The following UBR3 variants were observed in gnomAD, a reference collection of about 807,000 sequenced individuals.
The protein encoded by UBR3 is E3 ubiquitin-protein ligase UBR3.
UBR3 carries 85 observed loss-of-function variants against 243.2 expected under a neutral mutation model. The observed-to-expected ratio is 0.35, with a 90% CI of 0.29 to 0.42. The LOEUF is 0.42. UBR3 is among the 10% of genes least tolerant of loss of function. The probability of loss-of-function intolerance (pLI) is 1.00; values close to 1 mark genes in which losing one functional copy is unlikely to be tolerated. For synonymous variants in UBR3, 748 were observed against 799.8 expected (o/e 0.94, Z 1.09); for missense variants, 1,686 against 2,300.8 (o/e 0.73, Z 5.47).
At position 169,872,362 on chromosome 2, in the gene UBR3, C is replaced by T. The variant is rs56240917; in HGVS notation, c.672C>T (p.Gly224=). The T allele has an allele frequency of 0.021, 31,047 of 1,468,430 alleles. 377 individuals are homozygous for T. The highest frequency in any genetic ancestry group is 0.03 in the Middle Eastern group (175 of 5,852). The allele number at this position is 1,468,430 out of a possible 1,614,324, so 91.0% of individuals were successfully genotyped here. The change falls in exon 2 of 39, where the codon GGC becomes GGT. Residue 224 remains glycine (G), a synonymous_variant. Transcript: ENST00000272793. ...IFCLIQYLRE[G]YNEPAADGPS... is the part of the protein sequence containing the mutation. ...GTCTTATTCAGTACTTAAGAGAAGG[C>T]TATAATGAACCAGGTATGTTTTAAT...
At chr2:170,027,430 A>G (rs969239166) in intron 30 of UBR3, among the ~76,000 whole-genome samples, 4 of 151,706 alleles carry the variant, frequency 2.6e-5, no homozygotes, top group Admixed American at 1.3e-4. Flanking sequence ...CTTTTCTACT[A>G]ACATTTTGAA....
intron 1 of UBR3, among the ~76,000 whole-genome samples, chr2:169,864,631 C>T (rs933868721): frequency 5.9e-5 from 9 of 151,878 alleles, no homozygotes; most frequent in Non-Finnish European, 1.0e-4. Flanking sequence ...AGGCCGGGCG[C>T]GGTGGCTCAC....
intron 32 of UBR3, among the ~76,000 whole-genome samples, chr2:170,041,593 G>T (rs2090969929): frequency 6.6e-6 from 1 of 152,060 alleles, no homozygotes; most frequent in Admixed American, 6.5e-5. Context: ...TTTAATTATT[G>T]CTCCTTGGTC....
intron 1 of UBR3, among the ~76,000 whole-genome samples, chr2:169,845,664 C>T (rs1445383659): frequency 6.6e-6 from 1 of 151,472 alleles, no homozygotes; most frequent in African/African-American, 2.4e-5. Flanking sequence ...CAGCTCACTG[C>T]AGCCTCCATC....
intron 10 of UBR3, among the ~76,000 whole-genome samples, chr2:169,909,352 G>C (rs1473641592): frequency 1.3e-5 from 2 of 152,190 alleles, no homozygotes; most frequent in East Asian, 3.8e-4. Context: ...GATTTGAGCA[G>C]GAGTAGCGTG....
intron 3 of UBR3, 46 bp downstream of exon 3, chr2:169,875,995 T>C: frequency 7.3e-7 from 1 of 1,367,504 alleles, no homozygotes; most frequent in Non-Finnish European, 9.6e-7. Context: ...TATCTTACTA[T>C]AATGATAAGA....
At chr2:170,015,042 T>A in intron 29 of UBR3, 1 of 338,700 alleles carries the variant, frequency 3.0e-6, no homozygotes. Flanking sequence ...AATTACACCA[T>A]GATGTGTGCA....
chr2:169,953,097 G>A (rs2105363791), intron 23 of UBR3, among the ~76,000 whole-genome samples: 1 of 152,256 alleles, frequency 6.6e-6, no homozygotes, highest in Non-Finnish European at 1.5e-5. Context: ...GATACTGGAG[G>A]ACATAGTTTA....
intron 35 of UBR3, among the ~76,000 whole-genome samples, chr2:170,070,849 A>C (rs1443060772): frequency 6.6e-6 from 1 of 152,174 alleles, no homozygotes; most frequent in Non-Finnish European, 1.5e-5. Context: ...TGTGGCTTAT[A>C]CCTAAAATTT....
chr2:170,082,298 A>G lies in UBR3; in HGVS notation c.*455A>G, dbSNP rs1215595180. ...TGTGTTGATTGGAGAATTTTTCTGT[A>G]TGTAATTAGAAAAAAATGTAAAACA... On this transcript the variant is annotated 3_prime_UTR_variant, in exon 39 of 39. Transcript: ENST00000272793. 1 of 152,962 alleles carries G rather than the reference A, an allele frequency of 6.5e-6. No homozygotes were observed. Among genetic ancestry groups the G allele is most frequent in the Non-Finnish European group, 1.5e-5 (1 of 68,330 alleles). The allele number at this position is 152,962 out of a possible 1,614,324, so 9.5% of individuals were successfully genotyped here.
chr2:170,052,375 T>C (rs2091238589), intron 32 of UBR3, among the ~76,000 whole-genome samples: 1 of 152,164 alleles, frequency 6.6e-6, no homozygotes, highest in South Asian at 2.1e-4. Flanking sequence ...AAAATCAGTA[T>C]CTCAAAGAGA....
chr2:169,835,200 T>TA (rs2082045608), intron 1 of UBR3, among the ~76,000 whole-genome samples: 2 of 152,044 alleles, frequency 1.3e-5, no homozygotes, highest in Non-Finnish European at 2.9e-5. Flanking sequence ...TTACCACAAT[T>TA]AAAAAATAAT....
intron 24 of UBR3, among the ~76,000 whole-genome samples, chr2:169,968,951 A>T (rs114446016): frequency 0.011 from 1,720 of 151,820 alleles, 10 homozygotes; most frequent in Non-Finnish European, 0.018. Context: ...AATCATGTTG[A>T]CCTTTTTGTT....
At chr2:170,075,203 A>T (rs6433163) in intron 36 of UBR3, among the ~76,000 whole-genome samples, 83,837 of 150,924 alleles carry the variant, frequency 0.56, 24,867 homozygotes, top group Admixed American at 0.66. Context: ...CCCTTTTTTT[A>T]AAAAAAAAGG....
intron 5 of UBR3, among the ~76,000 whole-genome samples, chr2:169,886,958 T>G (rs944116172): frequency 6.6e-6 from 1 of 152,198 alleles, no homozygotes. Context: ...CTGTGTAGTC[T>G]GTGTTAATAT....
At chr2:169,912,277 T>A (rs2085283623) in intron 10 of UBR3, among the ~76,000 whole-genome samples, 2 of 152,232 alleles carry the variant, frequency 1.3e-5, no homozygotes, top group Admixed American at 1.3e-4. Flanking sequence ...CAGTGGTTTA[T>A]AGTGTATTCA....
At chr2:169,958,663 T>A (rs1454689823) in intron 24 of UBR3, 137 bp downstream of exon 24, 10 of 666,432 alleles carry the variant, frequency 1.5e-5, no homozygotes, top group Non-Finnish European at 2.2e-5. Context: ...AACAATATAG[T>A]GATGGAAGAT....
chr2:169,890,583 A>ATATATATATGTATATATATATATATGTG (rs1553504593), intron 5 of UBR3, among the ~76,000 whole-genome samples: 1 of 94,146 alleles, frequency 1.1e-5, no homozygotes, highest in Admixed American at 1.1e-4. Flanking sequence ...ATATATATGT[A>ATATATATATGTATATATATATATATGTG]TATATATATG....
At chr2:169,964,496 G>A (rs1213768385) in intron 24 of UBR3, 1 of 463,874 alleles carries the variant, frequency 2.2e-6, no homozygotes, top group Admixed American at 2.4e-5. Flanking sequence ...CTTATCCTCT[G>A]AGGAAACTGG....
Sources: allele counts gnomAD v4.1 joint callset (sites outside exome capture counted in the v4.1 genomes callset), GRCh38; gene constraint gnomAD v4.1.1; transcripts MANE v1.5; gene names NCBI Gene and HGNC (gene_info 2026-07-23, HGNC 2026-07-21).